ST6GALNAC4: variants seen among roughly 807,000 people sequenced by gnomAD.
ST6GALNAC4 encodes the protein alpha-N-acetyl-neuraminyl-2,3-beta-galactosyl-1,3-N-acetyl-galactosaminide alpha-2,6-sialyltransferase.
ST6GALNAC4 carries 24 observed loss-of-function variants against 30.4 expected under a neutral mutation model. The observed-to-expected ratio is 0.79, with a 90% CI of 0.57 to 1.11. ST6GALNAC4 has a LOEUF of 1.11. Among genes scored for constraint, ST6GALNAC4 ranks in the 50% most tolerant of loss-of-function variants. The probability of loss-of-function intolerance (pLI) is 0.00; values close to 1 mark genes in which losing one functional copy is unlikely to be tolerated. For synonymous variants in ST6GALNAC4, 156 were observed against 179.7 expected (o/e 0.87, Z 1.05); for missense variants, 365 against 430.1 (o/e 0.85, Z 1.34).
At chr9:127,916,622 T>C (rs2055743571) in intron 1 of ST6GALNAC4, 128 bp from the exon 2 acceptor site, 13 of 617,412 alleles carry the variant, frequency 2.1e-5, no homozygotes, top group Non-Finnish European at 3.4e-5. Context: ...ATCCAACCCC[T>C]TGACGTCTCC....
At chr9:127,910,500 C>T (rs895609264) in intron 4 of ST6GALNAC4, 5 of 1,009,072 alleles carry the variant, frequency 5.0e-6, no homozygotes, top group Middle Eastern at 4.9e-4. Context: ...CACATTTGCT[C>T]GTGAACCTCT....
In ST6GALNAC4 at chr9:127,914,718, A is replaced by C. The variant is rs1831156860; in HGVS notation, c.136T>G (p.Ser46Ala). 1.2e-6 allele frequency: 2 copies of C among 1,612,044 alleles called. No homozygotes were observed. The highest frequency in any genetic ancestry group is 1.3e-5 in the African/African-American group (1 of 74,734). The change falls in exon 3 of 6, where the codon TCC (serine) becomes GCC (alanine). Residue 46 changes from serine to alanine, a missense_variant. Coordinates refer to ENST00000335791, the MANE Select transcript of ST6GALNAC4 (RefSeq NM_175039.4). ...TCLDHHFPTG[S>A]RPTVPGPLHF... ...AGGGGTCCCGGCACAGTGGGCCTGGAGCCTGTGGGGAAGTGGTGGTCCAGG... is the reference window on the plus strand; with the variant it reads ...AGGGGTCCCGGCACAGTGGGCCTGGCGCCTGTGGGGAAGTGGTGGTCCAGG...
At chr9:127,909,724 C>T (rs747290760) in intron 5 of ST6GALNAC4, among the ~76,000 whole-genome samples, 16 of 152,098 alleles carry the variant, frequency 1.1e-4, no homozygotes, top group Non-Finnish European at 1.8e-4. Context: ...ATGACTGGCC[C>T]GTGAACAGCC....
At chr9:127,916,137 C>T (rs1008011565) in intron 2 of ST6GALNAC4, 7 of 568,342 alleles carry the variant, frequency 1.2e-5, no homozygotes, top group Non-Finnish European at 1.9e-5. Context: ...ACTTCACAAC[C>T]CCAGTTCCAC....
Position 127,909,628 on chromosome 9 carries a change from C to T in ST6GALNAC4, c.719+323G>A, listed in dbSNP as rs577346435. 2.6e-5 allele frequency among the ~76,000 whole-genome samples: 4 copies of T among 151,946 alleles called. No individual in the cohort carries two copies. In the South Asian group the frequency reaches 8.3e-4, roughly 32 times the overall value. On this transcript the variant is annotated intron_variant, in intron 5 of 5. Transcript: ENST00000335791. ...TAAGCACTTTTGTAGATTATTCCCT[C>T]CCTAAATGTTTCAACAACCTTCCAA...
chr9:127,913,271 C>T (rs1831120436), intron 3 of ST6GALNAC4, among the ~76,000 whole-genome samples: 1 of 152,352 alleles, frequency 6.6e-6, no homozygotes, highest in East Asian at 1.9e-4. Flanking sequence ...TCAAGTCTCT[C>T]ATCTATAAAA....
At chr9:127,916,568 C>G in intron 1 of ST6GALNAC4, 74 bp from the exon 2 acceptor site, 1 of 892,228 alleles carries the variant, frequency 1.1e-6, no homozygotes, top group South Asian at 1.4e-5. Context: ...AAAACTGAGG[C>G]AGGAGAGGGT....
Position 127,908,182 on chromosome 9 carries a change from A to C in ST6GALNAC4, c.*210T>G, listed in dbSNP as rs1402512312. 6 of 190,842 alleles carry C rather than the reference A, an allele frequency of 3.1e-5. No homozygotes were observed. Among genetic ancestry groups the C allele is most frequent in the East Asian group, 9.7e-5 (1 of 10,312 alleles). 11.8% of individuals were successfully genotyped at this position (190,842 alleles called of 1,614,324 possible). ...ATTACTCAGGGAGTGGAGGGGGGAG[A>C]CACGGCTCCCCCCTCCACTCCCCTT... is the stretch of plus-strand genomic sequence containing the variant. On this transcript the variant is annotated 3_prime_UTR_variant, in exon 6 of 6. Transcript: ENST00000335791.
intron 4 of ST6GALNAC4, among the ~76,000 whole-genome samples, chr9:127,911,753 C>T (rs917333148): frequency 6.6e-5 from 10 of 151,924 alleles, no homozygotes; most frequent in South Asian, 2.1e-4. Context: ...CCAAAGTGCT[C>T]GGATTACAGG....
intron 3 of ST6GALNAC4, 116 bp from the exon 4 acceptor site, chr9:127,912,796 C>T (rs998878689): frequency 8.7e-6 from 11 of 1,258,182 alleles, no homozygotes; most frequent in Non-Finnish European, 1.2e-5. Flanking sequence ...GCTTGAAGGA[C>T]TGTTATGAAC....
intron 3 of ST6GALNAC4, among the ~76,000 whole-genome samples, chr9:127,913,839 C>T (rs1329641440): frequency 2.0e-5 from 3 of 151,972 alleles, no homozygotes; most frequent in South Asian, 4.2e-4. Flanking sequence ...ACGGGGTGCT[C>T]GGCGGCCACA....
Position 127,908,503 on chromosome 9 carries a change from G to C in ST6GALNAC4, c.798C>G (p.His266Gln), listed in dbSNP as rs13510. The C allele has an allele frequency of 1.2e-6, 2 of 1,610,014 alleles. No individual in the cohort carries two copies. The change falls in exon 6 of 6, where the codon CAC (histidine) becomes CAG (glutamine). Residue 266 changes from histidine to glutamine, a missense_variant. By Grantham distance (24) the His-to-Gln change is conservative. Coordinates refer to ENST00000335791, the MANE Select transcript of ST6GALNAC4 (RefSeq NM_175039.4). ...RLDECQMYLA[H>Q]EQAPRSAHRF... ...GGTGGGCGCTTCGGGGCGCCTGCTC[G>C]TGTGCCAGGTACATCTGACACTCAT... is the stretch of plus-strand genomic sequence containing the variant.
At chr9:127,916,684 T>C in intron 1 of ST6GALNAC4, 142 bp downstream of exon 1, 1 of 569,630 alleles carries the variant, frequency 1.8e-6, no homozygotes, top group South Asian at 2.2e-5. Context: ...TCAGCGACGT[T>C]TGCGAGACCT....
At chr9:127,914,632 G>A (rs774848526) in intron 3 of ST6GALNAC4, 24 bp downstream of exon 3, 11 of 1,578,466 alleles carry the variant, frequency 7.0e-6, no homozygotes, top group South Asian at 4.6e-5. Context: ...TACCCACCCC[G>A]GATGCATTGC....
intron 2 of ST6GALNAC4, 25 bp from the exon 3 acceptor site, chr9:127,914,866 G>T (rs758686124): frequency 1.3e-4 from 182 of 1,442,690 alleles, no homozygotes; most frequent in Middle Eastern, 2.6e-4. Flanking sequence ...GGCCATGGGG[G>T]GGTGTATGTG....
At chr9:127,915,976 C>T in intron 2 of ST6GALNAC4, 1 of 218,202 alleles carries the variant, frequency 4.6e-6, no homozygotes, top group Non-Finnish European at 9.2e-6. Flanking sequence ...GCCAGCTGTG[C>T]AGGGGAGGGA....
intron 3 of ST6GALNAC4, 31 bp downstream of exon 3, chr9:127,914,625 C>T: frequency 6.4e-7 from 1 of 1,564,998 alleles, no homozygotes; most frequent in Non-Finnish European, 8.7e-7. Flanking sequence ...CTCTCACTAC[C>T]CACCCCGGAT....
chr9:127,914,916 C>CCTCCTGGGTCTAGAGAAG, intron 2 of ST6GALNAC4, 75 bp from the exon 3 acceptor site: 2 of 1,337,728 alleles, frequency 1.5e-6, no homozygotes, highest in Non-Finnish European at 2.0e-6. Flanking sequence ...CTGCACCTGG[C>CCTCCTGGGTCTAGAGAAG]CTCCTGGGTC....
At chr9:127,913,413 C>T (rs1831123658) in intron 3 of ST6GALNAC4, among the ~76,000 whole-genome samples, 1 of 151,358 alleles carries the variant, frequency 6.6e-6, no homozygotes, top group East Asian at 2.0e-4. Context: ...GGCAAAACCC[C>T]ATCTCTACTA....
Sources: allele counts gnomAD v4.1 joint callset (sites outside exome capture counted in the v4.1 genomes callset), GRCh38; gene constraint gnomAD v4.1.1; transcripts MANE v1.5; gene names NCBI Gene and HGNC (gene_info 2026-07-23, HGNC 2026-07-21).